Variants in MCTP1 observed in about 807,000 individuals in gnomAD.
MCTP1 encodes multiple C2 and transmembrane domain-containing protein 1.
MCTP1 carries 69 observed loss-of-function variants against 120.6 expected under a neutral mutation model. That is an observed-to-expected ratio of 0.57 (90% CI 0.47 to 0.70). MCTP1 has a LOEUF of 0.70. MCTP1 is among the 30% of genes least tolerant of loss of function. MCTP1 has a pLI of 0.00. For synonymous variants in MCTP1, 529 were observed against 493.1 expected, an observed-to-expected ratio of 1.07 and a Z score of -0.96; for missense variants, 1,203 against 1,248.8, an observed-to-expected ratio of 0.96 and a Z score of 0.55.
At chr5:94,869,461 CT>C (rs1445200694) in intron 16 of MCTP1, among the ~76,000 whole-genome samples, 5 of 152,018 alleles carry the variant, frequency 3.3e-5, no homozygotes, top group African/African-American at 7.2e-5. Flanking sequence ...TTCTTTGCCC[CT>C]ATCACCTTAC....
intron 17 of MCTP1, among the ~76,000 whole-genome samples, chr5:94,853,666 G>A (rs1035116372): frequency 3.3e-5 from 5 of 151,878 alleles, no homozygotes; most frequent in African/African-American, 1.2e-4. Context: ...ACTGTGAGTG[G>A]CTAGGAACAG....
At chr5:94,764,648 A>G (rs779773828) in intron 19 of MCTP1, among the ~76,000 whole-genome samples, 2 of 152,116 alleles carry the variant, frequency 1.3e-5, no homozygotes, top group Non-Finnish European at 2.9e-5. Flanking sequence ...AGGTCATTAT[A>G]TAATGATAAA....
chr5:95,151,599 TAA>T (rs1210096120), intron 1 of MCTP1, among the ~76,000 whole-genome samples: 1 of 152,172 alleles, frequency 6.6e-6, no homozygotes, highest in East Asian at 1.9e-4. Context: ...AAGGAGGACT[TAA>T]GAGTTAAAAC....
intron 19 of MCTP1, among the ~76,000 whole-genome samples, chr5:94,744,454 C>T (rs1766395147): frequency 1.3e-5 from 2 of 151,516 alleles, no homozygotes; most frequent in South Asian, 2.1e-4. Context: ...GCCCTGCTGG[C>T]GTTATGCAAA....
At chr5:94,761,294 T>C (rs1238180722) in intron 19 of MCTP1, among the ~76,000 whole-genome samples, 1 of 152,220 alleles carries the variant, frequency 6.6e-6, no homozygotes, top group Non-Finnish European at 1.5e-5. Context: ...TCCTACAGGA[T>C]TCTTTGCAAC....
At chr5:95,252,093 A>T (rs1327567245) in intron 1 of MCTP1, among the ~76,000 whole-genome samples, 1 of 152,152 alleles carries the variant, frequency 6.6e-6, no homozygotes, top group Non-Finnish European at 1.5e-5. Context: ...AGCCAAGCAG[A>T]TACAACCCAT....
At chr5:94,987,058 T>C (rs992134856) in intron 2 of MCTP1, among the ~76,000 whole-genome samples, 1 of 152,232 alleles carries the variant, frequency 6.6e-6, no homozygotes. Flanking sequence ...TTGTGTTTTT[T>C]ATTTGCATTT....
chr5:95,005,229 C>A (rs1338264194), intron 2 of MCTP1, among the ~76,000 whole-genome samples: 2 of 152,132 alleles, frequency 1.3e-5, no homozygotes, highest in Non-Finnish European at 2.9e-5. Flanking sequence ...TACCCAATGT[C>A]TGTAAACTCA....
At chr5:94,941,198 A>G (rs938987324) in intron 4 of MCTP1, among the ~76,000 whole-genome samples, 2 of 151,998 alleles carry the variant, frequency 1.3e-5, no homozygotes, top group African/African-American at 4.8e-5. Flanking sequence ...GGTCTAAGAG[A>G]AAGTACCTGT....
chr5:94,875,162 G>A (rs1467275490), intron 12 of MCTP1, among the ~76,000 whole-genome samples: 2 of 152,086 alleles, frequency 1.3e-5, no homozygotes, highest in African/African-American at 2.4e-5. Context: ...AACAAAGATG[G>A]GAAAGGTAAA....
At chr5:95,208,568 G>T (rs1009639491) in intron 1 of MCTP1, among the ~76,000 whole-genome samples, 1 of 152,000 alleles carries the variant, frequency 6.6e-6, no homozygotes, top group East Asian at 1.9e-4. Flanking sequence ...AAGAAACTTT[G>T]GTTTTGAGGG....
intron 1 of MCTP1, among the ~76,000 whole-genome samples, chr5:95,143,333 A>G (rs1347092435): frequency 6.6e-6 from 1 of 152,234 alleles, no homozygotes; most frequent in Non-Finnish European, 1.5e-5. Context: ...ATCTTGCTGT[A>G]AAGTTGTAAA....
Position 95,284,079 on chromosome 5 carries a change from A to G in MCTP1, c.497T>C (p.Leu166Pro), listed in dbSNP as rs1196205035. ...APSSSSASSSLSSSPQPPPRG... is the reference protein window; with the variant it reads ...APSSSSASSSPSSSPQPPPRG... ...CGGGGGAGGCTGGGGCGAGGAGGAC[A>G]GGGAGGATGAGGCGGAGGAAGAGGA... Residue 166 changes from leucine to proline, a missense_variant, in exon 1 of 23, where the codon CTG becomes CCG. Leu to Pro is a moderately conservative substitution (Grantham distance 98). This residue lies in a region of MCTP1 where 463 missense variants were observed against 377.8 expected (regional missense o/e 1.23). Transcript: ENST00000515393. The surrounding 1 kb of genome is among the most constrained non-coding windows in gnomAD (Gnocchi z 5.2). 8.4e-6 allele frequency: 13 copies of G among 1,549,026 alleles called. No individual in the cohort carries two copies. The Admixed American group carries it at 2.4e-4, about 28-fold the overall frequency.
At chr5:95,266,576 A>G (rs1003035017) in intron 1 of MCTP1, among the ~76,000 whole-genome samples, 1 of 152,148 alleles carries the variant, frequency 6.6e-6, no homozygotes, top group Non-Finnish European at 1.5e-5. Flanking sequence ...ACTACATCAC[A>G]TTTTTCCATA....
chr5:95,134,600 C>A lies in MCTP1; in HGVS notation c.721-117116G>T, dbSNP rs181932591. Among the ~76,000 whole-genome samples the A allele has an allele frequency of 3.1e-3, 477 of 152,270 alleles. 1 individual carries two copies. The highest frequency in any genetic ancestry group is 0.011 in the African/African-American group (466 of 41,552). On this transcript the variant is annotated intron_variant, in intron 1 of 22. Transcript: ENST00000515393. Reference sequence around the variant, plus strand: ...TTGATGCTGGCTATCATCTTGGCCACAGGTCTCCAGCAGGCTAGCCAGGGC... The same window carrying A: ...TTGATGCTGGCTATCATCTTGGCCAAAGGTCTCCAGCAGGCTAGCCAGGGC...
chr5:95,198,603 G>A (rs991728863), intron 1 of MCTP1, among the ~76,000 whole-genome samples: 1 of 152,184 alleles, frequency 6.6e-6, no homozygotes, highest in South Asian at 2.1e-4. Flanking sequence ...TTATCAGGTC[G>A]GAATCCCATT....
intron 1 of MCTP1, among the ~76,000 whole-genome samples, chr5:95,052,963 C>A (rs1329203146): frequency 6.6e-6 from 1 of 152,132 alleles, no homozygotes; most frequent in Non-Finnish European, 1.5e-5. Context: ...CAGGGAAAAG[C>A]ACTTTATACC....
intron 17 of MCTP1, chr5:94,867,217 AT>A (rs1441610650): frequency 9.3e-6 from 13 of 1,404,296 alleles, no homozygotes; most frequent in South Asian, 4.8e-5. Flanking sequence ...AGAGAGAGAG[AT>A]TTTTTTTCTA....
At position 94,894,655 on chromosome 5, in the gene MCTP1, CT is replaced by C; in HGVS notation, c.1832del (p.Lys611ArgfsTer6). On this transcript the variant is annotated frameshift_variant, in exon 11 of 23. Transcript: ENST00000515393. LOFTEE classifies it high-confidence loss of function. Reference protein sequence around the residue: ...EDQKEREEILKRYSPLRIFHN... With the variant: ...EDQKEREEILXRYSPLRIFHN... The stretch of plus-strand genomic sequence containing the variant: ...AGGAGGGTTACATACGTACATATCT[CT>C]TTAATATCTCCTCTCGTTCCTTCTG... The C allele has an allele frequency of 3.1e-6, 5 of 1,602,302 alleles. No individual in the cohort carries two copies. The highest frequency in any genetic ancestry group is 4.3e-6 in the Non-Finnish European group (5 of 1,170,950).
Sources: allele counts gnomAD v4.1 joint callset (sites outside exome capture counted in the v4.1 genomes callset), GRCh38; gene constraint gnomAD v4.1.1; regional missense constraint gnomAD v4.1.1; non-coding constraint Gnocchi (gnomAD v3.1); transcripts MANE v1.5; gene names NCBI Gene and HGNC (gene_info 2026-07-23, HGNC 2026-07-21).